The following CACNA2D3 variants were observed in gnomAD, a reference collection of about 807,000 sequenced individuals.
CACNA2D3 encodes calcium voltage-gated channel auxiliary subunit alpha2delta 3, also known as voltage-dependent calcium channel subunit alpha-2/delta-3.
CACNA2D3 carries 60 observed loss-of-function variants against 160.6 expected under a neutral mutation model. That is an observed-to-expected ratio of 0.37 (90% confidence interval 0.30 to 0.46). The LOEUF (loss-of-function observed/expected upper bound fraction) is 0.46, where lower values mean the gene tolerates loss of function less well. Ranked by LOEUF, CACNA2D3 falls within the 20% of genes least tolerant of loss-of-function variation. The pLI, the probability that CACNA2D3 is intolerant of heterozygous loss-of-function variation, is 1.00. For synonymous variants in CACNA2D3, 558 were observed against 492.9 expected (o/e 1.13, Z -1.75); for missense variants, 1,205 against 1,365.0 (o/e 0.88, Z 1.85).
At chr3:54,946,672 C>G (rs772942000) in intron 27 of CACNA2D3, among the ~76,000 whole-genome samples, 1 of 152,112 alleles carries the variant, frequency 6.6e-6, no homozygotes, top group Non-Finnish European at 1.5e-5. Flanking sequence ...CTGGGGGGAG[C>G]TAGCATTTTG....
chr3:54,312,761 C>G (rs927741250), intron 2 of CACNA2D3, among the ~76,000 whole-genome samples: 6 of 152,190 alleles, frequency 3.9e-5, no homozygotes, highest in African/African-American at 1.4e-4. Context: ...TTCAGAGGCT[C>G]TTTTGTGACA....
chr3:54,466,146 A>G (rs368933883), intron 4 of CACNA2D3, among the ~76,000 whole-genome samples: 4 of 152,322 alleles, frequency 2.6e-5, no homozygotes, highest in East Asian at 1.9e-4. Flanking sequence ...TTTAAGGTCA[A>G]CTGACTCAAG....
Position 54,838,368 on chromosome 3 carries a change from A to C in CACNA2D3, c.1471-200A>C, listed in dbSNP as rs76537211. ...ACTGTAGTAGTTAATGGTTGGCCTGAGAAGCTCTCATTTTACCCAGTAACA... is the reference window on the plus strand; with the variant it reads ...ACTGTAGTAGTTAATGGTTGGCCTGCGAAGCTCTCATTTTACCCAGTAACA... On this transcript the variant is annotated intron_variant, in intron 15 of 37. Transcript: ENST00000474759. Among the ~76,000 whole-genome samples the C allele has an allele frequency of 3.8e-3, 574 of 152,274 alleles. 4 individuals are homozygous for C. The highest frequency in any genetic ancestry group is 0.012 in the African/African-American group (504 of 41,556).
chr3:54,123,546 G>C lies in CACNA2D3; in HGVS notation c.156G>C (p.Glu52Asp). The C allele has an allele frequency of 6.2e-7, 1 of 1,613,880 alleles. No homozygotes were observed. Among genetic ancestry groups the C allele is most frequent in the South Asian group, 1.1e-5 (1 of 91,072 alleles). ...VKLWASAFGG[E>D]IKSIAAKYSG... ...TCTGGGCCTCGGCTTTTGGTGGGGAGATAAAATCCATTGCTGCTAAGTACT... is the reference window on the plus strand; with the variant it reads ...TCTGGGCCTCGGCTTTTGGTGGGGACATAAAATCCATTGCTGCTAAGTACT... Residue 52 changes from glutamate to aspartate, a missense_variant, in exon 2 of 38, where the codon GAG becomes GAC. By Grantham distance (45) the Glu-to-Asp change is conservative. Coordinates refer to ENST00000474759, the MANE Select transcript of CACNA2D3 (RefSeq NM_018398.3).
chr3:54,864,970 C>T (rs1175728173), intron 17 of CACNA2D3, among the ~76,000 whole-genome samples: 3 of 152,218 alleles, frequency 2.0e-5, no homozygotes, highest in East Asian at 3.8e-4. Context: ...AAACGAGACA[C>T]GTACCGCTGT....
In CACNA2D3 at chr3:55,074,228, ACTGACTGAGAT is replaced by A. The variant is rs754776723; in HGVS notation, c.*23_*33del. On this transcript the variant is annotated 3_prime_UTR_variant, in exon 38 of 38. Transcript: ENST00000474759. The stretch of plus-strand genomic sequence containing the variant: ...GTGACACTGACTGAGATGTTCTCTT[ACTGACTGAGAT>A]GTTCTCTTGGCATGCTAAATCATGG... 5 of 1,088,514 alleles carry A rather than the reference ACTGACTGAGAT, an allele frequency of 4.6e-6. No individual in the cohort carries two copies. The South Asian group carries it at 6.6e-5, about 14-fold the overall frequency. 67.4% of individuals were successfully genotyped at this position (1,088,514 alleles called of 1,614,324 possible). A position where few individuals can be genotyped will look rare whatever the true frequency, so the allele number is the denominator to read the frequency against.
Position 54,891,932 on chromosome 3 carries a change from C to T in CACNA2D3, c.2246+482C>T, listed in dbSNP as rs186772556. On this transcript the variant is annotated intron_variant, in intron 25 of 37. Coordinates refer to ENST00000474759, the MANE Select transcript of CACNA2D3 (RefSeq NM_018398.3). ...TAGCCTGAGGGGCTGCAGAGCTCCA[C>T]ACCCAGGAGTGGGCCCTCTGGGGAT... Among the ~76,000 whole-genome samples, 384 of 152,338 alleles carry T rather than the reference C, an allele frequency of 2.5e-3. 2 individuals carry two copies. The highest frequency in any genetic ancestry group is 8.8e-3 in the African/African-American group (365 of 41,584).
At chr3:54,898,552 A>G (rs1700253158) in intron 26 of CACNA2D3, among the ~76,000 whole-genome samples, 1 of 152,168 alleles carries the variant, frequency 6.6e-6, no homozygotes, top group African/African-American at 2.4e-5. Context: ...TTGTTGCTGA[A>G]AATATCAAGA....
intron 5 of CACNA2D3, among the ~76,000 whole-genome samples, chr3:54,536,454 C>T (rs1296174804): frequency 2.0e-5 from 3 of 152,226 alleles, no homozygotes; most frequent in South Asian, 4.1e-4. Context: ...ATCTCAAGGA[C>T]GATGGGGACC....
chr3:54,682,279 T>G (rs1018199952), intron 11 of CACNA2D3, among the ~76,000 whole-genome samples: 3 of 152,142 alleles, frequency 2.0e-5, no homozygotes, highest in African/African-American at 7.2e-5. Flanking sequence ...TATGCAGACT[T>G]AAAGTTCTTC....
chr3:55,043,180 C>A (rs1399642014), intron 35 of CACNA2D3, among the ~76,000 whole-genome samples: 1 of 152,088 alleles, frequency 6.6e-6, no homozygotes, highest in Non-Finnish European at 1.5e-5. Flanking sequence ...AGAAAGTAAC[C>A]TCCAAACTGT....
At chr3:54,176,515 C>G (rs1559872655) in intron 2 of CACNA2D3, among the ~76,000 whole-genome samples, 1 of 152,130 alleles carries the variant, frequency 6.6e-6, no homozygotes, top group East Asian at 1.9e-4. Context: ...TTCACGTGTG[C>G]TCCTACTAAA....
At chr3:55,021,601 ATATATATATATATATGTGTGTGTG>A (rs1703447542) in intron 35 of CACNA2D3, among the ~76,000 whole-genome samples, 1 of 72,120 alleles carries the variant, frequency 1.4e-5, no homozygotes, top group African/African-American at 5.4e-5. Context: ...TCTCTAAATT[ATATATATATATATATGTGTGTGTG>A]TATATATATA....
At position 54,437,422 on chromosome 3, in the gene CACNA2D3, C is replaced by A. The variant is rs535799179; in HGVS notation, c.381+50648C>A. 3.9e-5 allele frequency among the ~76,000 whole-genome samples: 6 copies of A among 152,190 alleles called. No homozygotes were observed. The East Asian group carries it at 1.2e-3, about 29-fold the overall frequency. ...TGAATTTTTCTAAGTAAAATAAAAC[C>A]CCTTGGGTATTTTCCCGTGTGTTGT... On this transcript the variant is annotated intron_variant, in intron 4 of 37. Transcript: ENST00000474759.
chr3:54,532,648 T>TGA (rs1245924015), intron 5 of CACNA2D3, among the ~76,000 whole-genome samples: 1 of 152,212 alleles, frequency 6.6e-6, no homozygotes, highest in Non-Finnish European at 1.5e-5. Flanking sequence ...TTTTTATGGG[T>TGA]GAGTAATATT....
intron 17 of CACNA2D3, among the ~76,000 whole-genome samples, chr3:54,870,027 A>T (rs1699489919): frequency 6.6e-6 from 1 of 152,184 alleles, no homozygotes; most frequent in African/African-American, 2.4e-5. Context: ...GTAAGAGCCC[A>T]CTGGCCATAG....
At chr3:54,502,819 T>TA (rs1444925811) in intron 4 of CACNA2D3, among the ~76,000 whole-genome samples, 2 of 152,212 alleles carry the variant, frequency 1.3e-5, no homozygotes, top group Admixed American at 6.5e-5. Flanking sequence ...GAAAAGCACT[T>TA]AGAGTGATTT....
chr3:54,898,823 G>A (rs776016634), intron 26 of CACNA2D3, among the ~76,000 whole-genome samples: 4 of 152,072 alleles, frequency 2.6e-5, no homozygotes, highest in Non-Finnish European at 2.9e-5. Context: ...TACAGATGAC[G>A]TAACATCTTA....
intron 3 of CACNA2D3, among the ~76,000 whole-genome samples, chr3:54,344,364 C>A (rs539751100): frequency 7.2e-5 from 11 of 152,264 alleles, no homozygotes; most frequent in Non-Finnish European, 1.2e-4. Context: ...CAGTGCCTGG[C>A]TCCCCAAATA....
Sources: gnomAD v4.1 joint callset for allele counts (sites outside exome capture counted in the v4.1 genomes callset) on GRCh38, gnomAD v4.1.1 for gene constraint, MANE v1.5 for transcripts, NCBI Gene and HGNC (gene_info 2026-07-23, HGNC 2026-07-21) for gene names.